ATP13A4: variants seen among roughly 807,000 people sequenced by gnomAD.
The protein encoded by ATP13A4 is probable cation-transporting ATPase 13A4.
A neutral mutation model predicts 142.5 loss-of-function variants in ATP13A4; 114 were observed. The observed-to-expected ratio is 0.80, with a 90% CI of 0.69 to 0.93. The LOEUF is 0.93. Ranked by LOEUF, ATP13A4 falls within the 40% of genes least tolerant of loss-of-function variation. The pLI is 0.00. For missense variants in ATP13A4, 1,392 were observed against 1,454.0 expected (o/e 0.96, Z 0.69); for synonymous variants, 488 against 514.8 (o/e 0.95, Z 0.70).
At chr3:193,457,710 A>C (rs1422811509) in intron 14 of ATP13A4, among the ~76,000 whole-genome samples, 2 of 152,224 alleles carry the variant, frequency 1.3e-5, no homozygotes, top group Non-Finnish European at 2.9e-5. Context: ...TCTCTGTTGG[A>C]ATGTGCTGTG....
chr3:193,445,082 C>A (rs961728618), intron 18 of ATP13A4, among the ~76,000 whole-genome samples: 1 of 152,146 alleles, frequency 6.6e-6, no homozygotes, highest in Non-Finnish European at 1.5e-5. Context: ...GAGGAACAAC[C>A]AGAGCACATG....
At chr3:193,490,459 C>T (rs1161529724) in intron 6 of ATP13A4, among the ~76,000 whole-genome samples, 1 of 152,222 alleles carries the variant, frequency 6.6e-6, no homozygotes, top group Non-Finnish European at 1.5e-5. Context: ...GAGTTGAAGA[C>T]TGCATGTTCT....
At chr3:193,514,596 C>T (rs1440836005) in intron 2 of ATP13A4, 102 bp downstream of exon 2, 8 of 1,458,440 alleles carry the variant, frequency 5.5e-6, no homozygotes, top group Non-Finnish European at 7.6e-6. Flanking sequence ...CTGGAGCCTC[C>T]ACCTGCTATC....
In ATP13A4 at chr3:193,412,218, G is replaced by A; in HGVS notation, c.3168C>T (p.Phe1056=). The A allele has an allele frequency of 6.2e-7, 1 of 1,613,154 alleles. No homozygotes were observed. Among genetic ancestry groups the A allele is most frequent in the East Asian group, 2.2e-5 (1 of 44,860 alleles). Residue 1056 remains phenylalanine, a synonymous_variant, in exon 27 of 30, where the codon TTC becomes TTT. Transcript: ENST00000342695. The stretch of plus-strand genomic sequence containing the variant: ...GCTGTCTAAATGGTTTTCCTTTAGA[G>A]AACACAAGAGCCACAGTGATACAGT... The part of the protein sequence containing the change: ...TINCITVALV[F]SKGKPFRQPT...
intron 1 of ATP13A4, among the ~76,000 whole-genome samples, chr3:193,546,495 A>T (rs1723235482): frequency 6.6e-6 from 1 of 152,220 alleles, no homozygotes; most frequent in African/African-American, 2.4e-5. Context: ...CTATGCAGCC[A>T]GCAGCAGGAC....
chr3:193,472,594 G>T (rs1718688551), intron 8 of ATP13A4, among the ~76,000 whole-genome samples: 1 of 152,220 alleles, frequency 6.6e-6, no homozygotes, highest in African/African-American at 2.4e-5. Flanking sequence ...GAAGGAAAAA[G>T]AAATTTGTGT....
intron 26 of ATP13A4, among the ~76,000 whole-genome samples, chr3:193,413,917 T>A (rs1449948094): frequency 6.6e-6 from 1 of 152,182 alleles, no homozygotes; most frequent in Non-Finnish European, 1.5e-5. Flanking sequence ...AAGCATGTGA[T>A]CTTTGTGACC....
Position 193,410,902 on chromosome 3 carries a change from A to G in ATP13A4, c.3297+80T>C, listed in dbSNP as rs546555437. 1.5e-4 allele frequency: 138 copies of G among 935,906 alleles called. No individual in the cohort carries two copies. In the African/African-American group the frequency reaches 2.1e-3, roughly 14 times the overall value. 58.0% of individuals were successfully genotyped at this position (935,906 alleles called of 1,614,324 possible). On this transcript the variant is annotated intron_variant, in intron 28 of 29. Transcript: ENST00000342695. ...ATAATTTGTGTCAAAAATCATGTCA[A>G]TTGAAATTGTGATCTGCTTTTTAAA...
intron 16 of ATP13A4, among the ~76,000 whole-genome samples, chr3:193,456,464 G>A (rs372553425): frequency 6.6e-6 from 1 of 152,230 alleles, no homozygotes; most frequent in Admixed American, 6.5e-5. Flanking sequence ...AGCACAGGAT[G>A]AGGAGTGGTA....
At chr3:193,494,932 C>CA (rs1333620976) in intron 3 of ATP13A4, among the ~76,000 whole-genome samples, 2 of 151,756 alleles carry the variant, frequency 1.3e-5, no homozygotes, top group African/African-American at 4.8e-5. Flanking sequence ...CGAATGATAA[C>CA]AAAGGAATTG....
In ATP13A4 at chr3:193,441,503, T is replaced by G. The variant is rs748435122; in HGVS notation, c.2402A>C (p.His801Pro). The change falls in exon 20 of 30, where the codon CAT becomes CCT. Residue 801 changes from histidine to proline, a missense_variant. By Grantham distance (77) the His-to-Pro change is moderately conservative. Transcript: ENST00000342695. ...GCTGCTGAAATGTTGACTTATAACA[T>G]GAAAGGATTTTCCAGTTAGGGCAAA... The part of the protein sequence containing the change: ...YHFALTGKSF[H>P]VISQHFSSLL... 6.2e-7 allele frequency: 1 copy of G among 1,613,854 alleles called. No homozygotes were observed. Among genetic ancestry groups the G allele is most frequent in the Non-Finnish European group, 8.5e-7 (1 of 1,179,792 alleles).
At position 193,578,325 on chromosome 3, in the gene ATP13A4, CTATATCTATATCTA is replaced by C. The variant is rs1210366449; in HGVS notation, n.291+3368_291+3381del. Among the ~76,000 whole-genome samples the C allele has an allele frequency of 7.9e-5, 12 of 151,534 alleles. No individual in the cohort carries two copies. In the East Asian group the frequency reaches 2.3e-3, roughly 29 times the overall value. ...TCTATATCTATATCTATATCTATAT[CTATATCTATATCTA>C]TATCTATCTATCTATCTATTGCATT... On this transcript the variant is annotated intron_variant and non_coding_transcript_variant, in intron 2 of 3. Transcript: ENST00000489140.
intron 25 of ATP13A4, among the ~76,000 whole-genome samples, chr3:193,422,184 T>C (rs1271639258): frequency 2.0e-5 from 3 of 150,020 alleles, no homozygotes; most frequent in African/African-American, 7.3e-5. Context: ...AGTCAAAAAC[T>C]GTCACAAGAG....
intron 1 of ATP13A4, among the ~76,000 whole-genome samples, chr3:193,550,895 C>T (rs1723520027): frequency 1.3e-5 from 2 of 152,088 alleles, no homozygotes; most frequent in Admixed American, 1.3e-4. Context: ...GCCATGATAC[C>T]TTCGTTCAGC....
rs764289020 is a variant in ATP13A4 at position 193,457,064 on chromosome 3, A to G, written c.1851T>C (p.Gly617=). 1.9e-6 allele frequency: 3 copies of G among 1,613,966 alleles called. No homozygotes were observed. Among genetic ancestry groups the G allele is most frequent in the South Asian group, 2.2e-5 (2 of 91,060 alleles). ...RMTVIVQEMG[G]DRLAFMKGAP... is the part of the protein sequence containing the mutation. ...CACCTTTCATGAATGCCAGTCGGTC[A>G]CCTCCCATCTCTTGGACAATGACTG... is the stretch of plus-strand genomic sequence containing the variant. The change falls in exon 16 of 30, where the codon GGT becomes GGC. Residue 617 remains glycine, a synonymous_variant. Coordinates refer to ENST00000342695, the MANE Select transcript of ATP13A4 (RefSeq NM_032279.4).
chr3:193,502,498 G>C lies in ATP13A4; in HGVS notation c.376C>G (p.Leu126Val). The C allele has an allele frequency of 6.2e-7, 1 of 1,613,960 alleles. No individual in the cohort carries two copies. The highest frequency in any genetic ancestry group is 8.5e-7 in the Non-Finnish European group (1 of 1,179,932). ...IINRAIRKPD[L>V]KVRCIKVQKI... ...GTAGCCATAAGTTTACTTACCTTTA[G>C]GTCTGGCTTTCTTATGGCTCTATTT... Residue 126 changes from leucine to valine, a missense_variant, in exon 3 of 30, where the codon CTA (leucine) becomes GTA (valine). Physicochemically the swap from Leu to Val is conservative, Grantham distance 32. Coordinates refer to ENST00000342695, the MANE Select transcript of ATP13A4 (RefSeq NM_032279.4).
chr3:193,407,294 C>T lies in ATP13A4; in HGVS notation c.3378+19G>A, dbSNP rs1714546004. 1.3e-6 allele frequency: 2 copies of T among 1,596,830 alleles called. No individual in the cohort carries two copies. Among genetic ancestry groups the T allele is most frequent in the Non-Finnish European group, 8.6e-7 (1 of 1,165,278 alleles). The stretch of plus-strand genomic sequence containing the variant: ...CGTGCACACACACAAGATCAGCAGC[C>T]CAAGATCAGCACACTTACCTCGGCC... On this transcript the variant is annotated intron_variant, in intron 29 of 29. Transcript: ENST00000342695.
intron 1 of ATP13A4, among the ~76,000 whole-genome samples, chr3:193,541,022 G>A (rs1052521358): frequency 6.6e-6 from 1 of 152,214 alleles, no homozygotes; most frequent in East Asian, 1.9e-4. Flanking sequence ...GGCCGAGGCG[G>A]GCAAATCGCG....
intron 1 of ATP13A4, among the ~76,000 whole-genome samples, chr3:193,547,644 C>T (rs1171170898): frequency 6.6e-6 from 1 of 151,452 alleles, no homozygotes; most frequent in Non-Finnish European, 1.5e-5. Context: ...ATGCATAGCT[C>T]TCAATATGAT....
Sources: allele counts gnomAD v4.1 joint callset (sites outside exome capture counted in the v4.1 genomes callset), GRCh38; gene constraint gnomAD v4.1.1; transcripts MANE v1.5; gene names NCBI Gene and HGNC (gene_info 2026-07-23, HGNC 2026-07-21).